Variants in CA4 observed in about 807,000 individuals in gnomAD.
The protein encoded by CA4 is carbonic anhydrase 4.
A neutral mutation model predicts 34.5 loss-of-function variants in CA4; 24 were observed. The observed-to-expected ratio is 0.70, with a 90% CI of 0.50 to 0.98. The LOEUF (loss-of-function observed/expected upper bound fraction) is 0.98, where lower values mean the gene tolerates loss of function less well. Among genes scored for constraint, CA4 ranks in the 50% least tolerant of loss-of-function variants. The probability of loss-of-function intolerance (pLI) is 0.00; values close to 1 mark genes in which losing one functional copy is unlikely to be tolerated. For synonymous variants in CA4, 178 were observed against 170.6 expected (o/e 1.04, Z -0.34); for missense variants, 394 against 396.7 (o/e 0.99, Z 0.06).
intron 3 of CA4, among the ~76,000 whole-genome samples, chr17:60,157,203 G>T (rs1025587824): frequency 7.9e-5 from 12 of 152,372 alleles, no homozygotes; most frequent in Middle Eastern, 6.8e-3. Flanking sequence ...GCAGTGGAGG[G>T]TGCAGGAGAG....
chr17:60,157,603 C>T (rs779161963), intron 4 of CA4, 31 bp downstream of exon 4: 6 of 1,614,096 alleles, frequency 3.7e-6, no homozygotes, highest in Admixed American at 1.7e-5. Flanking sequence ...GGGACCTTGT[C>T]TGGGCTCTGG....
chr17:60,170,224 G>A (rs1345114409), intron 5 of CA4, among the ~76,000 whole-genome samples: 1 of 152,200 alleles, frequency 6.6e-6, no homozygotes, highest in African/African-American at 2.4e-5. Context: ...GGAAGGAAAA[G>A]GCCCCAGTTT....
intron 2 of CA4, among the ~76,000 whole-genome samples, chr17:60,156,007 C>T (rs1181364120): frequency 6.6e-6 from 1 of 152,116 alleles, no homozygotes; most frequent in African/African-American, 2.4e-5. Context: ...TGACCCTGGC[C>T]CACCTGGTGT....
chr17:60,165,831 CT>C (rs202181908), intron 5 of CA4, among the ~76,000 whole-genome samples: 4,865 of 140,726 alleles, frequency 0.035, 142 homozygotes, highest in African/African-American at 0.084. Flanking sequence ...TAACAAATCT[CT>C]TTTTTTTTTT....
At chr17:60,170,185 A>G (rs979669908) in intron 5 of CA4, among the ~76,000 whole-genome samples, 3 of 152,204 alleles carry the variant, frequency 2.0e-5, no homozygotes, top group Non-Finnish European at 4.4e-5. Context: ...ATCAGACTCA[A>G]TTGTTCTCTC....
chr17:60,164,146 C>A (rs1020178445), downstream of CA4, among the ~76,000 whole-genome samples: 3 of 139,132 alleles, frequency 2.2e-5, no homozygotes, highest in Admixed American at 2.1e-4. Flanking sequence ...ATCTTCCTTC[C>A]TCCCTCCCTC....
downstream of CA4, chr17:60,159,562 T>C (rs1283111447): frequency 9.9e-7 from 1 of 1,007,100 alleles, no homozygotes; most frequent in Non-Finnish European, 1.5e-6. Context: ...CTCAAGTGTG[T>C]TTTTAGCCTT....
chr17:60,150,170 C>A, intron 1 of CA4, 78 bp downstream of exon 1: 1 of 1,244,726 alleles, frequency 8.0e-7, no homozygotes, highest in Non-Finnish European at 1.1e-6. Context: ...TGCAGAGGAT[C>A]CCCCCGCGGG....
In CA4 at chr17:60,159,309, A is replaced by C; in HGVS notation, c.824A>C (p.Gln275Pro). 6.2e-7 allele frequency: 1 copy of C among 1,609,922 alleles called. No individual in the cohort carries two copies. Among genetic ancestry groups the C allele is most frequent in the Non-Finnish European group, 8.5e-7 (1 of 1,178,094 alleles). ...AAGGACAATGTCAGGCCCCTGCAGC[A>C]GCTGGGGCAGCGCACGGTGATAAAG... ...SMKDNVRPLQ[Q>P]LGQRTVIKSG... The change falls in exon 8 of 8, where the codon CAG becomes CCG. Residue 275 changes from glutamine (Q) to proline (P), a missense_variant. Physicochemically the swap from Gln to Pro is moderately conservative, Grantham distance 76 (BLOSUM62 -1). Coordinates refer to ENST00000300900, the MANE Select transcript of CA4 (RefSeq NM_000717.5).
At chr17:60,160,027 C>T (rs2083767578), downstream of CA4, among the ~76,000 whole-genome samples, 2 of 152,222 alleles carry the variant, frequency 1.3e-5, no homozygotes. Flanking sequence ...GTAGTCCCAG[C>T]TACTCAGGAG....
chr17:60,150,649 C>T (rs1190483708), intron 1 of CA4, among the ~76,000 whole-genome samples: 4 of 113,322 alleles, frequency 3.5e-5, no homozygotes, highest in Non-Finnish European at 6.9e-5. Context: ...GCCTGGTGCT[C>T]CGTTTAAAAA....
At chr17:60,166,853 A>G (rs534512781) in intron 5 of CA4, among the ~76,000 whole-genome samples, 3 of 152,324 alleles carry the variant, frequency 2.0e-5, no homozygotes, top group African/African-American at 7.2e-5. Context: ...GCTACTCTGG[A>G]GGCTGAGGCA....
intron 5 of CA4, among the ~76,000 whole-genome samples, chr17:60,169,499 AT>A (rs77400016): frequency 6.6e-6 from 1 of 151,456 alleles, no homozygotes; most frequent in Non-Finnish European, 1.5e-5. Context: ...TGACTTTTTT[AT>A]TTTTTTTAAG....
intron 7 of CA4, chr17:60,158,785 G>T: frequency 2.3e-6 from 1 of 435,318 alleles, no homozygotes; most frequent in Non-Finnish European, 4.3e-6. Context: ...GGTTCTCAAA[G>T]TGCGGCCCCT....
intron 1 of CA4, among the ~76,000 whole-genome samples, chr17:60,153,202 G>A (rs1039512367): frequency 2.0e-5 from 3 of 152,078 alleles, no homozygotes; most frequent in African/African-American, 4.8e-5. Context: ...GCTGGGCATG[G>A]TGGTACATGC....
chr17:60,178,651 C>T, the CA4 span, among the ~76,000 whole-genome samples: 1 of 152,124 alleles, frequency 6.6e-6, no homozygotes, highest in South Asian at 2.1e-4. Context: ...GGTTGTGTCT[C>T]AAACATAAAT....
chr17:60,159,285 A>G lies in CA4; in HGVS notation c.800A>G (p.Lys267Arg), dbSNP rs187221698. The change falls in exon 8 of 8, where the codon AAG becomes AGG. Residue 267 changes from lysine to arginine, a missense_variant. Lys to Arg is a conservative substitution (Grantham distance 26). Coordinates refer to ENST00000300900, the MANE Select transcript of CA4 (RefSeq NM_000717.5). ...YYDKEQTVSM[K>R]DNVRPLQQLG... ...GACAAGGAACAGACAGTGAGCATGA[A>G]GGACAATGTCAGGCCCCTGCAGCAG... The G allele has an allele frequency of 3.4e-5, 54 of 1,610,380 alleles. No homozygotes were observed. The East Asian group carries it at 1.1e-3, about 34-fold the overall frequency.
intron 1 of CA4, 38 bp from the exon 2 acceptor site, chr17:60,155,276 C>T: frequency 6.3e-7 from 1 of 1,595,020 alleles, no homozygotes; most frequent in Non-Finnish European, 8.6e-7. Context: ...CAACAAGACA[C>T]ACGCACGCAC....
downstream of CA4, among the ~76,000 whole-genome samples, chr17:60,171,239 T>TC (rs2083908439): frequency 1.3e-5 from 2 of 152,176 alleles, no homozygotes; most frequent in Admixed American, 1.3e-4. Context: ...CCCTCTCCTT[T>TC]CCCCCATCCC....
Sources: allele counts gnomAD v4.1 joint callset (sites outside exome capture counted in the v4.1 genomes callset), GRCh38; gene constraint gnomAD v4.1.1; transcripts MANE v1.5; gene names NCBI Gene and HGNC (gene_info 2026-07-23, HGNC 2026-07-21).